Variants in SNAP91 observed in about 807,000 individuals in gnomAD.
SNAP91 encodes synaptosome associated protein 91.
In SNAP91, 27 loss-of-function variants were observed where a neutral mutation model predicts 100.3. That is an observed-to-expected ratio of 0.27 (90% CI 0.20 to 0.37). The LOEUF (loss-of-function observed/expected upper bound fraction) is 0.37, where lower values mean the gene tolerates loss of function less well. SNAP91 is among the 10% of genes least tolerant of loss of function. The pLI is 1.00. For missense variants in SNAP91, 986 were observed against 1,123.7 expected (o/e 0.88, Z 1.75); for synonymous variants, 404 against 398.6 (o/e 1.01, Z -0.16).
At chr6:83,614,608 T>A (rs57171473) in intron 11 of SNAP91, among the ~76,000 whole-genome samples, 27,153 of 152,016 alleles carry the variant, frequency 0.18, 3,105 homozygotes, top group South Asian at 0.28. Context: ...GAGGAATATA[T>A]TAATATAAAT....
chr6:83,643,904 A>G (rs2097810554), intron 7 of SNAP91, among the ~76,000 whole-genome samples: 2 of 152,196 alleles, frequency 1.3e-5, no homozygotes, highest in South Asian at 2.1e-4. Flanking sequence ...ATCTAAGGAT[A>G]CTTTCTTTAT....
In SNAP91 at chr6:83,579,931, T is replaced by C. The variant is rs181794228; in HGVS notation, c.2299+519A>G. 5.7e-3 allele frequency among the ~76,000 whole-genome samples: 871 copies of C among 152,320 alleles called. 6 individuals are homozygous for C. Among genetic ancestry groups the C allele is most frequent in the African/African-American group, 0.02 (826 of 41,570 alleles). On this transcript the variant is annotated intron_variant, in intron 24 of 29. Transcript: ENST00000369694. ...TCTATCACACTATAGAATTTATTTA[T>C]TTTAAAGTTTGTGTCTGCCCTTCCT...
intron 24 of SNAP91, among the ~76,000 whole-genome samples, chr6:83,579,956 T>G (rs1417187056): frequency 6.6e-6 from 1 of 152,228 alleles, no homozygotes; most frequent in Non-Finnish European, 1.5e-5. Context: ...CTGCCCTTCC[T>G]AAGTGCCATA....
chr6:83,659,425 C>CT (rs397887198), intron 5 of SNAP91, among the ~76,000 whole-genome samples: 9,716 of 124,042 alleles, frequency 0.078, 805 homozygotes, highest in African/African-American at 0.2. Flanking sequence ...ATGTTTTCTT[C>CT]TTTTTTTTTT....
intron 21 of SNAP91, among the ~76,000 whole-genome samples, chr6:83,591,538 T>C (rs1582770814): frequency 1.3e-5 from 2 of 152,332 alleles, no homozygotes; most frequent in Admixed American, 1.3e-4. Context: ...CTTTTTTTTT[T>C]CTAAGAATAA....
chr6:83,657,553 TG>T (rs1436384214), intron 6 of SNAP91, among the ~76,000 whole-genome samples: 1 of 152,206 alleles, frequency 6.6e-6, no homozygotes. Flanking sequence ...AAAAATAAGA[TG>T]GTTTGCTGCT....
chr6:83,707,903 G>T lies in SNAP91; in HGVS notation c.25C>A (p.Arg9=). The part of the protein sequence containing the change: MSGQTLTD[R]IAAAQYSVTG... ...ACGCTGTACTGAGCGGCGGCGATCC[G>T]ATCCGTGAGCGTTTGGCCCGACATC... Residue 9 remains arginine, a synonymous_variant, in exon 2 of 30, where the codon CGG becomes AGG. Coordinates refer to ENST00000369694, the MANE Select transcript of SNAP91 (RefSeq NM_001242792.2). 2 of 1,591,628 alleles carry T rather than the reference G, an allele frequency of 1.3e-6. No homozygotes were observed. The highest frequency in any genetic ancestry group is 2.3e-5 in the East Asian group (1 of 43,686).
In SNAP91 at chr6:83,638,860, A is replaced by G. The variant is rs772917927; in HGVS notation, c.765+2236T>C. 3.9e-5 allele frequency among the ~76,000 whole-genome samples: 6 copies of G among 152,214 alleles called. No homozygotes were observed. The South Asian group carries it at 6.2e-4, about 16-fold the overall frequency. ...GGGAGATGTAGCTCCTACGATTCCG[A>G]TATCTACCTTAGAATAGAAAACTAA... On this transcript the variant is annotated intron_variant, in intron 8 of 29. Transcript: ENST00000369694.
chr6:83,708,085 C>T, intron 1 of SNAP91, 128 bp from the exon 2 acceptor site: 3 of 778,740 alleles, frequency 3.9e-6, no homozygotes, highest in Non-Finnish European at 5.7e-6. Flanking sequence ...CACCACCTCT[C>T]GGAGCCAGCA....
intron 5 of SNAP91, among the ~76,000 whole-genome samples, chr6:83,659,641 A>T (rs964061569): frequency 1.3e-5 from 2 of 152,038 alleles, no homozygotes; most frequent in African/African-American, 4.8e-5. Flanking sequence ...TATGTTGCCC[A>T]GGCTGGTCTT....
Position 83,641,174 on chromosome 6 carries a change from T to C in SNAP91, c.687A>G (p.Gln229=), listed in dbSNP as rs756202933. The C allele has an allele frequency of 2.0e-6, 3 of 1,504,208 alleles. No individual in the cohort carries two copies. Among genetic ancestry groups the C allele is most frequent in the Non-Finnish European group, 2.7e-6 (3 of 1,126,470 alleles). The allele number at this position is 1,504,208 out of a possible 1,614,324, so 93.2% of individuals were successfully genotyped here. A position where few individuals can be genotyped will look rare whatever the true frequency, so the allele number is the denominator to read the frequency against. ...LEKFFEMKKG[Q]CKDALEIYKR... ...TGTAAATTTCTAGAGCATCTTTACA[T>C]TGTCCTTTCTTCATTTCAAAAAACT... The change falls in exon 8 of 30, where the codon CAA becomes CAG. Residue 229 remains glutamine (Q), a synonymous_variant. Coordinates refer to ENST00000369694, the MANE Select transcript of SNAP91 (RefSeq NM_001242792.2).
chr6:83,622,667 T>C (rs1364947073), intron 9 of SNAP91, among the ~76,000 whole-genome samples: 1 of 151,116 alleles, frequency 6.6e-6, no homozygotes, highest in Non-Finnish European at 1.5e-5. Flanking sequence ...TACCCATGAA[T>C]GACCTTGAAT....
At chr6:83,637,899 G>A (rs1424943399) in intron 8 of SNAP91, among the ~76,000 whole-genome samples, 1 of 152,176 alleles carries the variant, frequency 6.6e-6, no homozygotes, top group African/African-American at 2.4e-5. Context: ...TTTGTCTTCT[G>A]GCCCCTCGGG....
chr6:83,560,248 G>T (rs779656457), intron 27 of SNAP91, 40 bp from the exon 28 acceptor site: 1 of 1,395,484 alleles, frequency 7.2e-7, no homozygotes, highest in South Asian at 1.2e-5. Context: ...AGCATGAGTG[G>T]AACTCACTAG....
chr6:83,649,952 G>C (rs1010624792), intron 7 of SNAP91, among the ~76,000 whole-genome samples: 8 of 152,144 alleles, frequency 5.3e-5, no homozygotes, highest in African/African-American at 1.9e-4. Flanking sequence ...ACAACTAATT[G>C]AGATAAAGTT....
intron 5 of SNAP91, among the ~76,000 whole-genome samples, chr6:83,660,780 C>CT (rs113422614): frequency 0.074 from 10,752 of 145,934 alleles, 1,259 homozygotes; most frequent in African/African-American, 0.25. Flanking sequence ...TATTTTCCAT[C>CT]TTTTTTTTTT....
intron 25 of SNAP91, chr6:83,575,756 GC>G (rs950916124): frequency 3.1e-4 from 119 of 389,150 alleles, no homozygotes; most frequent in African/African-American, 2.3e-3. Context: ...AAATATTCAA[GC>G]CACAATTCCC....
chr6:83,595,321 T>G (rs1033370177), intron 16 of SNAP91, among the ~76,000 whole-genome samples: 1 of 152,204 alleles, frequency 6.6e-6, no homozygotes, highest in African/African-American at 2.4e-5. Context: ...ATTTGGAAAA[T>G]AATCTATTTT....
intron 22 of SNAP91, among the ~76,000 whole-genome samples, chr6:83,583,135 G>A (rs886521123): frequency 6.6e-6 from 1 of 152,148 alleles, no homozygotes; most frequent in African/African-American, 2.4e-5. Flanking sequence ...CGCAGTGTCA[G>A]ATGCCTGCTC....
Sources: gnomAD v4.1 joint callset for allele counts (sites outside exome capture counted in the v4.1 genomes callset) on GRCh38, gnomAD v4.1.1 for gene constraint, MANE v1.5 for transcripts, NCBI Gene and HGNC (gene_info 2026-07-23, HGNC 2026-07-21) for gene names.